EIF2AK2: variants seen among roughly 807,000 people sequenced by gnomAD.
EIF2AK2 encodes the protein eukaryotic translation initiation factor 2 alpha kinase 2, also known as interferon-induced, double-stranded RNA-activated protein kinase.
In EIF2AK2, 40 loss-of-function variants were observed where a neutral mutation model predicts 70.5. That is an observed-to-expected ratio of 0.57 (90% CI 0.44 to 0.74). The LOEUF is 0.74. EIF2AK2 is among the 30% of genes least tolerant of loss of function. The probability of loss-of-function intolerance (pLI) is 0.00; values close to 1 mark genes in which losing one functional copy is unlikely to be tolerated. For synonymous variants in EIF2AK2, 198 were observed against 220.9 expected (o/e 0.90, Z 0.92); for missense variants, 555 against 644.3 (o/e 0.86, Z 1.50).
At chr2:37,154,370 T>C (rs1354208451) in intron 1 of EIF2AK2, among the ~76,000 whole-genome samples, 1 of 151,836 alleles carries the variant, frequency 6.6e-6, no homozygotes, top group African/African-American at 2.4e-5. Flanking sequence ...AAAACATCAA[T>C]TCAATCATGC....
intron 12 of EIF2AK2, 99 bp from the exon 13 acceptor site, chr2:37,120,238 C>T (rs896439585): frequency 1.2e-6 from 1 of 817,066 alleles, no homozygotes; most frequent in Non-Finnish European, 1.6e-6. Flanking sequence ...TTTTTAAAAG[C>T]TTATACCTTA....
At chr2:37,120,775 C>T (rs1366872287) in intron 12 of EIF2AK2, among the ~76,000 whole-genome samples, 1 of 147,830 alleles carries the variant, frequency 6.8e-6, no homozygotes, top group African/African-American at 2.5e-5. Context: ...CCAGCCTGGG[C>T]AGCATGGCGA....
At chr2:37,150,141 TAAAAA>T (rs34438804) in intron 1 of EIF2AK2, among the ~76,000 whole-genome samples, 1 of 136,076 alleles carries the variant, frequency 7.3e-6, no homozygotes, top group Non-Finnish European at 1.6e-5. Context: ...GAAGTGACGG[TAAAAA>T]AAAAAAAAAA....
Position 37,104,499 on chromosome 2 carries a change from T to C in EIF2AK2, c.*2774A>G, listed in dbSNP as rs1340126534. The C allele has an allele frequency of 1.3e-5, 2 of 152,096 alleles. No individual in the cohort carries two copies. Among genetic ancestry groups the C allele is most frequent in the Non-Finnish European group, 2.9e-5 (2 of 68,038 alleles). The allele number at this position is 152,096 out of a possible 1,614,324, so 9.4% of individuals were successfully genotyped here. A position where few individuals can be genotyped will look rare whatever the true frequency, so the allele number is the denominator to read the frequency against. On this transcript the variant is annotated 3_prime_UTR_variant, in exon 17 of 17. Coordinates refer to ENST00000233057, the MANE Select transcript of EIF2AK2 (RefSeq NM_001135651.3). ...CATGCCCAGCTAATTTTCTGATTTT[T>C]TGTAGAGATGAGAACTCACTGTGTT... is the stretch of plus-strand genomic sequence containing the variant.
intron 4 of EIF2AK2, 101 bp downstream of exon 4, chr2:37,146,752 G>A (rs974769460): frequency 2.5e-5 from 35 of 1,406,926 alleles, no homozygotes; most frequent in Non-Finnish European, 3.4e-5. Flanking sequence ...GTAAGGGAAC[G>A]TGTGAATGGC....
At position 37,106,637 on chromosome 2, in the gene EIF2AK2, G is replaced by A. The variant is rs1290380150; in HGVS notation, c.*636C>T. ...TTGTAAGCTATGTGAGGCAGAGAAC[G>A]ATCTTACATTTTTTTGGCCTAAAAG... On this transcript the variant is annotated 3_prime_UTR_variant, in exon 17 of 17. Coordinates refer to ENST00000233057, the MANE Select transcript of EIF2AK2 (RefSeq NM_001135651.3). 1.3e-5 allele frequency: 2 copies of A among 150,856 alleles called. No homozygotes were observed. Among genetic ancestry groups the A allele is most frequent in the East Asian group, 1.9e-4 (1 of 5,160 alleles). The allele number at this position is 150,856 out of a possible 1,614,324, so 9.3% of individuals were successfully genotyped here. A position where few individuals can be genotyped will look rare whatever the true frequency, so the allele number is the denominator to read the frequency against.
At chr2:37,131,285 C>T (rs1390342944) in intron 10 of EIF2AK2, among the ~76,000 whole-genome samples, 2 of 152,174 alleles carry the variant, frequency 1.3e-5, no homozygotes, top group Non-Finnish European at 2.9e-5. Context: ...TAATCAGGCC[C>T]TTGGACTATT....
rs1673992454 is a variant in EIF2AK2 at position 37,107,242 on chromosome 2, A to G, written c.*31T>C. On this transcript the variant is annotated 3_prime_UTR_variant, in exon 17 of 17. Coordinates refer to ENST00000233057, the MANE Select transcript of EIF2AK2 (RefSeq NM_001135651.3). ...TTAGATAATTTAAGGAAAACTGCAT[A>G]TCAGAAGCAGGATACTTTTTCAGAA... The G allele has an allele frequency of 1.3e-6, 2 of 1,598,626 alleles. No individual in the cohort carries two copies. Among genetic ancestry groups the G allele is most frequent in the African/African-American group, 1.3e-5 (1 of 74,192 alleles).
rs571863921 is a variant in EIF2AK2 at position 37,149,384 on chromosome 2, T to G, written c.-183-361A>C. Reference sequence around the variant, plus strand: ...ACTCTAAGATACATTTTAAGCTTGATTGTCAAATGACAAAGATTTTAAAAG... The same window carrying G: ...ACTCTAAGATACATTTTAAGCTTGAGTGTCAAATGACAAAGATTTTAAAAG... On this transcript the variant is annotated intron_variant, in intron 1 of 16. Coordinates refer to ENST00000233057, the MANE Select transcript of EIF2AK2 (RefSeq NM_001135651.3). 670 of 533,646 alleles carry G rather than the reference T, an allele frequency of 1.3e-3. 8 individuals carry two copies. Among genetic ancestry groups the G allele is most frequent in the Non-Finnish European group, 1.7e-4 (53 of 304,460 alleles). The allele number at this position is 533,646 out of a possible 1,614,324, so 33.1% of individuals were successfully genotyped here.
chr2:37,155,943 A>C (rs1481032891), intron 1 of EIF2AK2, among the ~76,000 whole-genome samples: 2 of 142,288 alleles, frequency 1.4e-5, no homozygotes, highest in Non-Finnish European at 3.1e-5. Flanking sequence ...CTGTCTCAAA[A>C]AAAAAAAAAA....
chr2:37,110,217 C>T (rs750161321), intron 14 of EIF2AK2, among the ~76,000 whole-genome samples: 3 of 151,426 alleles, frequency 2.0e-5, no homozygotes, highest in Admixed American at 2.0e-4. Flanking sequence ...ACTCCAGGCA[C>T]GTGCCACCAC....
chr2:37,108,011 T>C (rs767119850), intron 15 of EIF2AK2, among the ~76,000 whole-genome samples: 11 of 152,030 alleles, frequency 7.2e-5, no homozygotes, highest in Non-Finnish European at 1.2e-4. Flanking sequence ...CCAGGCATGG[T>C]GGTGCACGCC....
chr2:37,139,876 G>C (rs554767881), intron 5 of EIF2AK2, 119 bp from the exon 6 acceptor site: 2 of 1,037,394 alleles, frequency 1.9e-6, no homozygotes, highest in Admixed American at 2.9e-5. Flanking sequence ...TTATTAGATA[G>C]ATTTATAGTT....
Position 37,142,241 on chromosome 2 carries a change from C to T in EIF2AK2, c.241-540G>A, listed in dbSNP as rs1675359811. ...GACCTCCTGGGTTCAAACCATCTTC[C>T]TGTCTCAGCCTCACAAGCACCTGGA... On this transcript the variant is annotated intron_variant, in intron 4 of 16. Transcript: ENST00000233057. Among the ~76,000 whole-genome samples the T allele has an allele frequency of 3.3e-5, 5 of 152,148 alleles. No individual in the cohort carries two copies. In the South Asian group the frequency reaches 1.0e-3, roughly 31 times the overall value.
intron 4 of EIF2AK2, among the ~76,000 whole-genome samples, chr2:37,144,647 G>A (rs1256954931): frequency 6.7e-6 from 1 of 148,370 alleles, no homozygotes; most frequent in Non-Finnish European, 1.5e-5. Flanking sequence ...GCAGTCAGAA[G>A]ATCACAGCTC....
At chr2:37,135,114 G>A (rs1470404680) in intron 10 of EIF2AK2, among the ~76,000 whole-genome samples, 2 of 152,140 alleles carry the variant, frequency 1.3e-5, no homozygotes, top group African/African-American at 4.8e-5. Flanking sequence ...AAAACAGATG[G>A]GGACTAGATC....
rs1465682968 is a variant in EIF2AK2 at position 37,099,427 on chromosome 2, C to T, written c.*7846G>A. 2 of 152,080 alleles carry T rather than the reference C, an allele frequency of 1.3e-5. No homozygotes were observed. The highest frequency in any genetic ancestry group is 4.8e-5 in the African/African-American group (2 of 41,396). The allele number at this position is 152,080 out of a possible 1,614,324, so 9.4% of individuals were successfully genotyped here. On this transcript the variant is annotated 3_prime_UTR_variant, in exon 17 of 17. Coordinates refer to ENST00000233057, the MANE Select transcript of EIF2AK2 (RefSeq NM_001135651.3). ...CACTCTTACAGTGTAATGAAATTAGCAGTATAATGAAGAAAAGTGCTGTGT... is the reference window on the plus strand; with the variant it reads ...CACTCTTACAGTGTAATGAAATTAGTAGTATAATGAAGAAAAGTGCTGTGT...
rs71396206 is a variant in EIF2AK2, at chr2:37,111,921, A to ATCTC, written c.1378-2630_1378-2627dup. ...TATATATATATATATATCATAATAA[A>ATCTC]TCTCTCTCTCTCTCTCTCTATATAT... On this transcript the variant is annotated intron_variant, in intron 14 of 16. Coordinates refer to ENST00000233057, the MANE Select transcript of EIF2AK2 (RefSeq NM_001135651.3). 9.8e-3 allele frequency among the ~76,000 whole-genome samples: 1,059 copies of ATCTC among 107,784 alleles called. 10 individuals carry two copies. The highest frequency in any genetic ancestry group is 0.054 in the Middle Eastern group (11 of 204). The allele number at this position is 107,784 out of a possible 152,430, so 70.7% of individuals were successfully genotyped here.
At chr2:37,117,851 G>A (rs1421691307) in intron 13 of EIF2AK2, among the ~76,000 whole-genome samples, 7 of 152,202 alleles carry the variant, frequency 4.6e-5, no homozygotes, top group Admixed American at 4.6e-4. Context: ...GAGGGGCTGT[G>A]TTAGGTAAAG....
Sources: allele counts gnomAD v4.1 joint callset (sites outside exome capture counted in the v4.1 genomes callset), GRCh38; gene constraint gnomAD v4.1.1; transcripts MANE v1.5; gene names NCBI Gene and HGNC (gene_info 2026-07-23, HGNC 2026-07-21).